The following CADM2 variants were observed in gnomAD, a reference collection of about 807,000 sequenced individuals.
The protein encoded by CADM2 is cell adhesion molecule 2.
A neutral mutation model predicts 49.8 loss-of-function variants in CADM2; 12 were observed. That is an observed-to-expected ratio of 0.24 (90% CI 0.15 to 0.39). The LOEUF is 0.39. Among genes scored for constraint, CADM2 ranks in the 10% least tolerant of loss-of-function variants. The pLI is 1.00. For missense variants in CADM2, 378 were observed against 492.3 expected (o/e 0.77, Z 2.20); for synonymous variants, 214 against 175.4 (o/e 1.22, Z -1.74).
At chr3:85,212,864 TTCTTTCTTTCTTTCTTTCTTTC>T (rs1336455142) in intron 1 of CADM2, among the ~76,000 whole-genome samples, 4 of 107,182 alleles carry the variant, frequency 3.7e-5, no homozygotes, top group African/African-American at 1.4e-4. Flanking sequence ...CTTTCTTTCT[TTCTTTCTTTCTTTCTTTCTTTC>T]TCTTTCTTTC....
At chr3:85,538,398 G>T (rs2061468426) in intron 1 of CADM2, among the ~76,000 whole-genome samples, 1 of 152,006 alleles carries the variant, frequency 6.6e-6, no homozygotes. Context: ...CTTGGAGAAG[G>T]GCACATGGTT....
chr3:85,023,501 TA>T (rs2034595684), intron 1 of CADM2, among the ~76,000 whole-genome samples: 1 of 152,096 alleles, frequency 6.6e-6, no homozygotes, highest in Non-Finnish European at 1.5e-5. Flanking sequence ...ACTAGTGGTA[TA>T]GATTGGATTT....
intron 8 of CADM2, among the ~76,000 whole-genome samples, chr3:86,030,985 T>C (rs1387165031): frequency 6.6e-6 from 1 of 151,854 alleles, no homozygotes; most frequent in East Asian, 1.9e-4. Context: ...AGTAAGCAAG[T>C]ATAGTTTAGG....
intron 1 of CADM2, among the ~76,000 whole-genome samples, chr3:85,022,162 CA>C (rs1202599900): frequency 2.0e-5 from 3 of 152,142 alleles, no homozygotes; most frequent in African/African-American, 7.2e-5. Context: ...AGAACAGCAC[CA>C]TAGTAACATC....
At chr3:85,541,249 AAC>A (rs1401199267) in intron 1 of CADM2, among the ~76,000 whole-genome samples, 2 of 145,906 alleles carry the variant, frequency 1.4e-5, no homozygotes, top group African/African-American at 4.9e-5. Context: ...TGTATATATA[AAC>A]ACAGATCATG....
chr3:85,403,363 C>T (rs970191805), intron 1 of CADM2, among the ~76,000 whole-genome samples: 1 of 152,126 alleles, frequency 6.6e-6, no homozygotes, highest in African/African-American at 2.4e-5. Context: ...TTCACATTCT[C>T]TTTCTCAAGG....
intron 1 of CADM2, among the ~76,000 whole-genome samples, chr3:85,198,237 C>A (rs1047394275): frequency 5.3e-5 from 8 of 151,908 alleles, no homozygotes; most frequent in Admixed American, 1.3e-4. Flanking sequence ...AATACCCTAG[C>A]ATTTCCATGT....
At chr3:86,037,599 A>C (rs1419513299) in intron 8 of CADM2, among the ~76,000 whole-genome samples, 2 of 152,180 alleles carry the variant, frequency 1.3e-5, no homozygotes, top group Non-Finnish European at 2.9e-5. Context: ...CCTATAACAT[A>C]TGAGCACACC....
intron 8 of CADM2, among the ~76,000 whole-genome samples, chr3:85,984,212 A>G (rs1001598205): frequency 6.6e-6 from 1 of 150,678 alleles, no homozygotes; most frequent in African/African-American, 2.4e-5. Flanking sequence ...TATATTATAC[A>G]TGTTACTTTT....
chr3:85,405,864 T>C (rs962419641), intron 1 of CADM2, among the ~76,000 whole-genome samples: 9 of 151,844 alleles, frequency 5.9e-5, no homozygotes, highest in African/African-American at 2.2e-4. Context: ...TGATTATTAT[T>C]AGAATAATAT....
chr3:86,059,503 TAA>T (rs1232150768), intron 8 of CADM2, among the ~76,000 whole-genome samples: 2 of 152,176 alleles, frequency 1.3e-5, no homozygotes. Flanking sequence ...CATTGTCAGG[TAA>T]AAGAGATTAC....
intron 1 of CADM2, among the ~76,000 whole-genome samples, chr3:85,190,405 A>T (rs2041180892): frequency 6.6e-6 from 1 of 152,030 alleles, no homozygotes; most frequent in Non-Finnish European, 1.5e-5. Context: ...ACACTTTCTC[A>T]TTCATCTTAA....
chr3:85,229,281 G>T (rs1339284880), intron 1 of CADM2, among the ~76,000 whole-genome samples: 1 of 152,310 alleles, frequency 6.6e-6, no homozygotes, highest in African/African-American at 2.4e-5. Flanking sequence ...AGGCACCAGA[G>T]GGAATCTCCT....
At chr3:85,640,033 G>A (rs946902778) in intron 1 of CADM2, among the ~76,000 whole-genome samples, 12 of 152,130 alleles carry the variant, frequency 7.9e-5, no homozygotes, top group African/African-American at 2.9e-4. Context: ...TGTCTAAGGA[G>A]CACCTACTGA....
chr3:85,962,144 C>T (rs1724913306), intron 8 of CADM2, among the ~76,000 whole-genome samples: 1 of 151,866 alleles, frequency 6.6e-6, no homozygotes, highest in Non-Finnish European at 1.5e-5. Flanking sequence ...ACCTCGAACT[C>T]CTGGCTTCAA....
chr3:85,780,302 G>A (rs2107990256), intron 2 of CADM2, among the ~76,000 whole-genome samples: 1 of 152,268 alleles, frequency 6.6e-6, no homozygotes, highest in Non-Finnish European at 1.5e-5. Context: ...TGCTTTTCCT[G>A]AAGTGAGAAA....
intron 1 of CADM2, among the ~76,000 whole-genome samples, chr3:85,178,035 A>G (rs191597873): frequency 6.6e-6 from 1 of 152,056 alleles, no homozygotes; most frequent in Non-Finnish European, 1.5e-5. Flanking sequence ...AGATGCAAAT[A>G]ATTTTCTGTA....
At chr3:85,633,735 T>C (rs1576981037) in intron 1 of CADM2, among the ~76,000 whole-genome samples, 1 of 152,014 alleles carries the variant, frequency 6.6e-6, no homozygotes, top group African/African-American at 2.4e-5. Flanking sequence ...GGGAGGAGAA[T>C]AAATTTCCAT....
chr3:85,667,057 A>G (rs2065591609), intron 1 of CADM2, among the ~76,000 whole-genome samples: 1 of 152,054 alleles, frequency 6.6e-6, no homozygotes, highest in South Asian at 2.1e-4. Flanking sequence ...CATTCTTATA[A>G]CAGAAGAATC....
Sources: gnomAD v4.1 joint callset for allele counts (sites outside exome capture counted in the v4.1 genomes callset) on GRCh38, gnomAD v4.1.1 for gene constraint, MANE v1.5 for transcripts, NCBI Gene and HGNC (gene_info 2026-07-23, HGNC 2026-07-21) for gene names.